CSMD1: variants seen among roughly 807,000 people sequenced by gnomAD.
CSMD1 encodes CUB and sushi domain-containing protein 1.
In CSMD1, 213 loss-of-function variants were observed where a neutral mutation model predicts 417.5. That is an observed-to-expected ratio of 0.51 (90% confidence interval 0.46 to 0.57). CSMD1 has a LOEUF of 0.57. CSMD1 is among the 20% of genes least tolerant of loss of function. The pLI is 0.00. For synonymous variants in CSMD1, 2,862 were observed against 1,736.8 expected (o/e 1.65, Z -16.11); for missense variants, 6,923 against 4,529.7 (o/e 1.53, Z -15.17).
intron 5 of CSMD1, among the ~76,000 whole-genome samples, chr8:3,986,795 G>T (rs1244580571): frequency 1.3e-5 from 2 of 151,810 alleles, no homozygotes; most frequent in African/African-American, 2.4e-5. Flanking sequence ...TCACCCTGTT[G>T]CCCAGGCTGG....
chr8:4,858,979 C>T (rs1190844503), intron 1 of CSMD1, among the ~76,000 whole-genome samples: 3 of 150,540 alleles, frequency 2.0e-5, no homozygotes, highest in Non-Finnish European at 4.5e-5. Context: ...GCCAAAAGAA[C>T]AAAGCTGGAG....
At position 3,949,129 on chromosome 8, in the gene CSMD1, T is replaced by C. The variant is rs1042291714; in HGVS notation, c.818+48774A>G. 1.9e-4 allele frequency among the ~76,000 whole-genome samples: 29 copies of C among 152,232 alleles called. 1 individual carries two copies. Among genetic ancestry groups the C allele is most frequent in the African/African-American group, 3.9e-4 (16 of 41,464 alleles). On this transcript the variant is annotated intron_variant, in intron 5 of 69. Transcript: ENST00000635120. ...ATGTGCGATATAATATTTTAAAATA[T>C]GGATGCATTGTGGAATGGCTAAATT...
chr8:4,809,034 T>C (rs1423562615), intron 1 of CSMD1, among the ~76,000 whole-genome samples: 4 of 152,352 alleles, frequency 2.6e-5, no homozygotes, highest in African/African-American at 7.2e-5. Context: ...CGAGTTTTAC[T>C]TTCCAGTCAC....
At chr8:4,207,204 G>C (rs1039027574) in intron 3 of CSMD1, among the ~76,000 whole-genome samples, 1 of 152,166 alleles carries the variant, frequency 6.6e-6, no homozygotes, top group African/African-American at 2.4e-5. Flanking sequence ...GATAGGAAAT[G>C]AATGTGAAAA....
rs756163205 is a variant in CSMD1 at position 3,230,099 on chromosome 8, A to G, written c.4286T>C (p.Ile1429Thr). ...CCGGTTATTCAGCTGCACACAGGTG[A>G]TTTTGGCTTGTCCTTGGAGCTGATA... ...PGYQLQGQAK[I>T]TCVQLNNRFF... Residue 1429 changes from isoleucine (I) to threonine (T), a missense_variant, in exon 27 of 70, where the codon ATC becomes ACC. Transcript: ENST00000635120. 1 of 1,613,482 alleles carries G rather than the reference A, an allele frequency of 6.2e-7. No homozygotes were observed. The highest frequency in any genetic ancestry group is 1.1e-5 in the South Asian group (1 of 91,044).
At chr8:3,587,955 C>A (rs1800677116) in intron 8 of CSMD1, among the ~76,000 whole-genome samples, 1 of 151,858 alleles carries the variant, frequency 6.6e-6, no homozygotes, top group Non-Finnish European at 1.5e-5. Flanking sequence ...AAAACAAAAC[C>A]CAGTCGTGAT....
chr8:3,950,072 A>C, intron 5 of CSMD1: 1 of 445,080 alleles, frequency 2.2e-6, no homozygotes, highest in Non-Finnish European at 4.5e-6. Flanking sequence ...GTTGCCAGAA[A>C]ATAAAAAGAA....
Position 3,047,846 on chromosome 8 carries a change from C to G in CSMD1, c.7660+4616G>C, listed in dbSNP as rs988954034. 5.3e-5 allele frequency among the ~76,000 whole-genome samples: 8 copies of G among 152,276 alleles called. No homozygotes were observed. In the South Asian group the frequency reaches 8.3e-4, roughly 16 times the overall value. On this transcript the variant is annotated intron_variant, in intron 50 of 69. Coordinates refer to ENST00000635120, the MANE Select transcript of CSMD1 (RefSeq NM_033225.6). ...GAGTGTGTCTAATTCCTCAACCCAG[C>G]TATGTGTGGCCTTTACACAGAAATA... is the stretch of plus-strand genomic sequence containing the variant.
intron 1 of CSMD1, among the ~76,000 whole-genome samples, chr8:4,846,127 C>T (rs1801128639): frequency 6.6e-6 from 1 of 152,198 alleles, no homozygotes; most frequent in Non-Finnish European, 1.5e-5. Flanking sequence ...TTGAGTACCT[C>T]ATCTCTTTCT....
intron 55 of CSMD1, 26 bp from the exon 56 acceptor site, chr8:2,974,650 A>T (rs775992530): frequency 1.3e-5 from 20 of 1,525,404 alleles, no homozygotes; most frequent in Admixed American, 4.0e-5. Flanking sequence ...AAAACAATTG[A>T]GTACATCCTT....
At chr8:3,154,808 A>T (rs968832741) in intron 39 of CSMD1, among the ~76,000 whole-genome samples, 1 of 152,162 alleles carries the variant, frequency 6.6e-6, no homozygotes. Flanking sequence ...CTTCATTAGT[A>T]CTTTTATTTT....
At chr8:4,488,436 G>A (rs903247952) in intron 2 of CSMD1, among the ~76,000 whole-genome samples, 2 of 152,108 alleles carry the variant, frequency 1.3e-5, no homozygotes, top group Non-Finnish European at 2.9e-5. Context: ...ACAGAGGGCA[G>A]AGGTGAAGTA....
rs978541303 is a variant in CSMD1 at position 3,301,939 on chromosome 8, CT to C, written c.3950+5755del. ...GGGCTTTGTTTTCAGATTCTATGCA[CT>C]TTTTTTTCAGTGTCTCGTCTAAAGA... On this transcript the variant is annotated intron_variant, in intron 25 of 69. Transcript: ENST00000635120. 4.0e-5 allele frequency among the ~76,000 whole-genome samples: 6 copies of C among 151,794 alleles called. No homozygotes were observed. In the East Asian group the frequency reaches 9.7e-4, roughly 24 times the overall value.
chr8:4,006,139 C>G (rs571939430), intron 4 of CSMD1, among the ~76,000 whole-genome samples: 9 of 152,280 alleles, frequency 5.9e-5, no homozygotes, highest in African/African-American at 2.2e-4. Context: ...ATATCAACCA[C>G]AGATGATTTA....
intron 3 of CSMD1, among the ~76,000 whole-genome samples, chr8:4,404,123 C>T (rs896333362): frequency 2.0e-5 from 3 of 152,242 alleles, no homozygotes; most frequent in Non-Finnish European, 2.9e-5. Context: ...GAATTCCACG[C>T]GAGTGTTTAT....
intron 2 of CSMD1, among the ~76,000 whole-genome samples, chr8:4,611,944 G>C (rs915956702): frequency 6.6e-6 from 1 of 152,146 alleles, no homozygotes; most frequent in Non-Finnish European, 1.5e-5. Context: ...GTGAATTCAG[G>C]ATTTCATTTA....
intron 3 of CSMD1, among the ~76,000 whole-genome samples, chr8:4,036,101 C>G (rs914226572): frequency 6.6e-6 from 1 of 152,190 alleles, no homozygotes; most frequent in Non-Finnish European, 1.5e-5. Context: ...CAGGTTTGCA[C>G]TCTAGGAGTA....
At chr8:3,397,001 C>A (rs1413948689) in intron 16 of CSMD1, among the ~76,000 whole-genome samples, 5 of 152,100 alleles carry the variant, frequency 3.3e-5, no homozygotes, top group African/African-American at 1.2e-4. Context: ...AAAGTTACAA[C>A]AGCTTCCAAA....
At chr8:3,446,124 A>G (rs1585176358) in intron 12 of CSMD1, among the ~76,000 whole-genome samples, 1 of 152,210 alleles carries the variant, frequency 6.6e-6, no homozygotes, top group Non-Finnish European at 1.5e-5. Flanking sequence ...AGTTTGTTGT[A>G]ATAGAATTGA....
Sources: allele counts gnomAD v4.1 joint callset (sites outside exome capture counted in the v4.1 genomes callset), GRCh38; gene constraint gnomAD v4.1.1; transcripts MANE v1.5; gene names NCBI Gene and HGNC (gene_info 2026-07-23, HGNC 2026-07-21).